VPS26B: variants seen among roughly 807,000 people sequenced by gnomAD.
VPS26B encodes the protein VPS26 retromer complex component B.
Under a neutral mutation model 33.3 loss-of-function variants are expected in VPS26B, and 10 were observed. The observed-to-expected ratio is 0.30, with a 90% CI of 0.19 to 0.51. VPS26B has a LOEUF of 0.51. Among genes scored for constraint, VPS26B ranks in the 20% least tolerant of loss-of-function variants. The probability of loss-of-function intolerance (pLI) is 0.98; values close to 1 mark genes in which losing one functional copy is unlikely to be tolerated. For missense variants in VPS26B, 317 were observed against 452.7 expected (o/e 0.70, Z 2.72); for synonymous variants, 190 against 176.9 (o/e 1.07, Z -0.59).
intron 2 of VPS26B, among the ~76,000 whole-genome samples, chr11:134,238,088 A>G (rs778793315): frequency 8.6e-5 from 13 of 151,790 alleles, no homozygotes; most frequent in Non-Finnish European, 1.8e-4. Context: ...CATTAGAATC[A>G]TGTGGGAAGC....
At position 134,245,425 on chromosome 11, in the gene VPS26B, C is replaced by A; in HGVS notation, c.865-19C>A. On this transcript the variant is annotated intron_variant, in intron 5 of 5. Coordinates refer to ENST00000281187, the MANE Select transcript of VPS26B (RefSeq NM_052875.5). The surrounding 1 kb of genome is among the most constrained non-coding windows in gnomAD (Gnocchi z 4.7). The stretch of plus-strand genomic sequence containing the variant: ...GCCTCCCTCTAAGGTGTCACATTGC[C>A]CCCCTTTCAATTCTGCAGGAAGTGG... 1.2e-6 allele frequency: 2 copies of A among 1,613,798 alleles called. No homozygotes were observed. The highest frequency in any genetic ancestry group is 1.7e-6 in the Non-Finnish European group (2 of 1,179,760).
At chr11:134,237,199 T>C (rs1053460644) in intron 2 of VPS26B, among the ~76,000 whole-genome samples, 4 of 152,224 alleles carry the variant, frequency 2.6e-5, no homozygotes, top group East Asian at 1.9e-4. Context: ...TTTTGGAAGA[T>C]TGGAGTCCAT....
chr11:134,237,622 G>T (rs981255959), intron 2 of VPS26B, among the ~76,000 whole-genome samples: 2 of 152,190 alleles, frequency 1.3e-5, no homozygotes, highest in East Asian at 1.9e-4. Context: ...GGAGAGCCAG[G>T]ACCCACCAGG....
In VPS26B at chr11:134,245,840, C is replaced by T; in HGVS notation, c.*250C>T. 2.0e-6 allele frequency: 1 copy of T among 493,966 alleles called. No individual in the cohort carries two copies. The highest frequency in any genetic ancestry group is 3.6e-6 in the Non-Finnish European group (1 of 277,698). 30.6% of individuals were successfully genotyped at this position (493,966 alleles called of 1,614,324 possible). A position where few individuals can be genotyped will look rare whatever the true frequency, so the allele number is the denominator to read the frequency against. The stretch of plus-strand genomic sequence containing the variant: ...GGTAGCATCCTGGAAGCCAGCCTCT[C>T]TGGGGAACATGAGCCCCCTTCCTCG... On this transcript the variant is annotated 3_prime_UTR_variant, in exon 6 of 6. Transcript: ENST00000281187. This position sits in a 1 kb window ranked among gnomAD's most constrained non-coding sequence, Gnocchi z 4.7.
intron 1 of VPS26B, among the ~76,000 whole-genome samples, chr11:134,226,819 C>T (rs1019992388): frequency 7.9e-5 from 12 of 152,182 alleles, no homozygotes; most frequent in African/African-American, 2.9e-4. Flanking sequence ...TGTGGCCTGG[C>T]TCTTGGGTTC....
intron 1 of VPS26B, among the ~76,000 whole-genome samples, chr11:134,226,969 G>A (rs572700787): frequency 6.6e-6 from 1 of 152,300 alleles, no homozygotes; most frequent in Admixed American, 6.5e-5. Flanking sequence ...AAAAGGGGCC[G>A]AAGAGTGAGT....
In VPS26B at chr11:134,244,705, GCTCT is replaced by G. The variant is rs1938783783; in HGVS notation, c.722-230_722-227del. 1.5e-5 allele frequency: 8 copies of G among 521,252 alleles called. No homozygotes were observed. The highest frequency in any genetic ancestry group is 2.4e-5 in the Non-Finnish European group (7 of 294,872). 32.3% of individuals were successfully genotyped at this position (521,252 alleles called of 1,614,324 possible). A position where few individuals can be genotyped will look rare whatever the true frequency, so the allele number is the denominator to read the frequency against. Reference sequence around the variant, plus strand: ...TGACCTGTGCTGTTCCCACTCAGTTGCTCTCTGTTTTCGAGAAGACATGAGAAGC... The same window carrying G: ...TGACCTGTGCTGTTCCCACTCAGTTGCTGTTTTCGAGAAGACATGAGAAGC... On this transcript the variant is annotated intron_variant, in intron 4 of 5. Coordinates refer to ENST00000281187, the MANE Select transcript of VPS26B (RefSeq NM_052875.5). This position sits in a 1 kb window ranked among gnomAD's most constrained non-coding sequence, Gnocchi z 4.0.
In VPS26B at chr11:134,244,815, C is replaced by T; in HGVS notation, c.722-123C>T. On this transcript the variant is annotated intron_variant, in intron 4 of 5. Coordinates refer to ENST00000281187, the MANE Select transcript of VPS26B (RefSeq NM_052875.5). The surrounding 1 kb of genome is among the most constrained non-coding windows in gnomAD (Gnocchi z 4.0). Reference sequence around the variant, plus strand: ...TGGGCAGCAGAGCGACTGCACCTTCCCAGAAGGCTGAAGTGCTCGTGTGCT... The same window carrying T: ...TGGGCAGCAGAGCGACTGCACCTTCTCAGAAGGCTGAAGTGCTCGTGTGCT... 1 of 1,364,920 alleles carries T rather than the reference C, an allele frequency of 7.3e-7. No individual in the cohort carries two copies. The highest frequency in any genetic ancestry group is 9.7e-7 in the Non-Finnish European group (1 of 1,030,264). 84.6% of individuals were successfully genotyped at this position (1,364,920 alleles called of 1,614,324 possible). A position where few individuals can be genotyped will look rare whatever the true frequency, so the allele number is the denominator to read the frequency against.
intron 2 of VPS26B, among the ~76,000 whole-genome samples, chr11:134,235,928 A>G (rs926375027): frequency 6.6e-6 from 1 of 152,176 alleles, no homozygotes; most frequent in Non-Finnish European, 1.5e-5. Flanking sequence ...ATACCATCTC[A>G]TAAGATCGGT....
chr11:134,229,528 C>T (rs1458029721), intron 1 of VPS26B, among the ~76,000 whole-genome samples: 2 of 152,156 alleles, frequency 1.3e-5, no homozygotes, highest in Admixed American at 6.5e-5. Context: ...TTCCCCATTT[C>T]GGCCTATGTC....
rs976466588 is a variant in VPS26B, at chr11:134,240,785, G to A, written c.545+630G>A. 2.6e-5 allele frequency among the ~76,000 whole-genome samples: 3 copies of A among 116,632 alleles called. No homozygotes were observed. The highest frequency in any genetic ancestry group is 4.9e-4 in the East Asian group (2 of 4,110). 76.5% of individuals were successfully genotyped at this position (116,632 alleles called of 152,430 possible). A position where few individuals can be genotyped will look rare whatever the true frequency, so the allele number is the denominator to read the frequency against. On this transcript the variant is annotated intron_variant, in intron 3 of 5. Coordinates refer to ENST00000281187, the MANE Select transcript of VPS26B (RefSeq NM_052875.5). This position sits in a 1 kb window ranked among gnomAD's most constrained non-coding sequence, Gnocchi z 4.4. ...AGCTAATTTGTGTCCGTGTGTGTGT[G>A]TGTGTGTCCGTGTGTGTGTGTGTGT...
chr11:134,235,154 G>A (rs564853412), intron 2 of VPS26B, 101 bp downstream of exon 2: 512 of 1,424,818 alleles, frequency 3.6e-4, no homozygotes, highest in Admixed American at 2.9e-3. Context: ...CAGGGATCCC[G>A]AGAAGGAAGA....
Position 134,245,024 on chromosome 11 carries a change from T to C in VPS26B, c.808T>C (p.Tyr270His). The change falls in exon 5 of 6, where the codon TAT becomes CAT. Residue 270 changes from tyrosine to histidine, a missense_variant. By Grantham distance (83) the Tyr-to-His change is moderately conservative (BLOSUM62 2). Coordinates refer to ENST00000281187, the MANE Select transcript of VPS26B (RefSeq NM_052875.5). The surrounding 1 kb of genome is among the most constrained non-coding windows in gnomAD (Gnocchi z 4.7). Reference sequence around the variant, plus strand: ...CATCAACAAGAAGTTCTCTGTGCGCTATTACCTCAACCTGGTGCTGATAGA... The same window carrying C: ...CATCAACAAGAAGTTCTCTGTGCGCCATTACCTCAACCTGGTGCTGATAGA... The part of the protein sequence containing the change: ...RDINKKFSVR[Y>H]YLNLVLIDEE... The C allele has an allele frequency of 6.2e-7, 1 of 1,614,176 alleles. No homozygotes were observed. The highest frequency in any genetic ancestry group is 2.2e-5 in the East Asian group (1 of 44,884).
At chr11:134,239,422 C>T (rs1222867435) in intron 2 of VPS26B, among the ~76,000 whole-genome samples, 3 of 152,204 alleles carry the variant, frequency 2.0e-5, no homozygotes, top group East Asian at 3.8e-4. Flanking sequence ...GTGCTTAGCT[C>T]AGTAAATGTT....
Position 134,240,445 on chromosome 11 carries a change from T to C in VPS26B, c.545+290T>C, listed in dbSNP as rs1938699849. 6.6e-6 allele frequency among the ~76,000 whole-genome samples: 1 copy of C among 152,214 alleles called. No individual in the cohort carries two copies. Among genetic ancestry groups the C allele is most frequent in the African/African-American group, 2.4e-5 (1 of 41,442 alleles). On this transcript the variant is annotated intron_variant, in intron 3 of 5. Transcript: ENST00000281187. The surrounding 1 kb of genome is among the most constrained non-coding windows in gnomAD (Gnocchi z 4.4). Reference sequence around the variant, plus strand: ...CAGTCAAGCTAAACTAACTTGAGGTTATTTGTTTTGGAATTCCAGCTTCAG... The same window carrying C: ...CAGTCAAGCTAAACTAACTTGAGGTCATTTGTTTTGGAATTCCAGCTTCAG...
At chr11:134,242,780 A>G (rs188610703) in intron 3 of VPS26B, among the ~76,000 whole-genome samples, 1 of 152,388 alleles carries the variant, frequency 6.6e-6, no homozygotes, top group African/African-American at 2.4e-5. Flanking sequence ...TTGTGGGACT[A>G]GCCTCTCATA....
At chr11:134,232,307 A>G (rs1187615638) in intron 1 of VPS26B, among the ~76,000 whole-genome samples, 2 of 150,742 alleles carry the variant, frequency 1.3e-5, no homozygotes, top group East Asian at 2.0e-4. Flanking sequence ...GTTTTAATTT[A>G]TGCAAGAGGA....
In VPS26B at chr11:134,244,786, C is replaced by G. The variant is rs575485209; in HGVS notation, c.722-152C>G. On this transcript the variant is annotated intron_variant, in intron 4 of 5. Transcript: ENST00000281187. The surrounding 1 kb of genome is among the most constrained non-coding windows in gnomAD (Gnocchi z 4.0). ...AGAGTCACATTTTTGTTTCAGCCACCTGCTGGGCAGCAGAGCGACTGCACC... is the reference window on the plus strand; with the variant it reads ...AGAGTCACATTTTTGTTTCAGCCACGTGCTGGGCAGCAGAGCGACTGCACC... The G allele has an allele frequency of 6.4e-6, 7 of 1,089,992 alleles. No homozygotes were observed. The highest frequency in any genetic ancestry group is 6.4e-5 in the African/African-American group (4 of 62,858). 67.5% of individuals were successfully genotyped at this position (1,089,992 alleles called of 1,614,324 possible). A position where few individuals can be genotyped will look rare whatever the true frequency, so the allele number is the denominator to read the frequency against.
chr11:134,236,641 G>C (rs1417097288), intron 2 of VPS26B: 1 of 152,234 alleles, frequency 6.6e-6, no homozygotes, highest in Non-Finnish European at 1.5e-5. Flanking sequence ...CAAAAGGAAG[G>C]ACATTCTGTC....
Sources: allele counts gnomAD v4.1 joint callset (sites outside exome capture counted in the v4.1 genomes callset), GRCh38; gene constraint gnomAD v4.1.1; non-coding constraint Gnocchi (gnomAD v3.1); transcripts MANE v1.5; gene names NCBI Gene and HGNC (gene_info 2026-07-23, HGNC 2026-07-21).